Variants in SGCZ observed in about 807,000 individuals in gnomAD.
The protein encoded by SGCZ is zeta-sarcoglycan.
Under a neutral mutation model 41.3 loss-of-function variants are expected in SGCZ, and 40 were observed. That is an observed-to-expected ratio of 0.97 (90% CI 0.75 to 1.26). The LOEUF is 1.26. Ranked by LOEUF, SGCZ falls within the 50% of genes most tolerant of loss-of-function variation. The pLI is 0.00. For synonymous variants in SGCZ, 206 were observed against 137.5 expected (o/e 1.50, Z -3.49); for missense variants, 552 against 369.8 (o/e 1.49, Z -4.04).
chr8:15,157,986 C>T (rs1325602400), intron 1 of SGCZ, among the ~76,000 whole-genome samples: 1 of 152,190 alleles, frequency 6.6e-6, no homozygotes, highest in African/African-American at 2.4e-5. Context: ...GAACTGTCCT[C>T]ACTTTTGTTT....
chr8:15,222,322 G>C (rs1801630487), intron 1 of SGCZ, among the ~76,000 whole-genome samples: 1 of 152,038 alleles, frequency 6.6e-6, no homozygotes, highest in Admixed American at 6.6e-5. Flanking sequence ...CCCCCAAGCA[G>C]TTATGGCTAA....
At chr8:14,877,958 G>A (rs1355665668) in intron 1 of SGCZ, among the ~76,000 whole-genome samples, 1 of 151,934 alleles carries the variant, frequency 6.6e-6, no homozygotes, top group Non-Finnish European at 1.5e-5. Flanking sequence ...CTGTTGAGAA[G>A]TGGGCTGTAC....
chr8:14,548,137 C>T (rs913184256), intron 2 of SGCZ, among the ~76,000 whole-genome samples: 34 of 152,092 alleles, frequency 2.2e-4, no homozygotes, highest in African/African-American at 8.0e-4. Flanking sequence ...TGAAATAGAT[C>T]ACACCCACTC....
intron 4 of SGCZ, among the ~76,000 whole-genome samples, chr8:14,221,527 A>ACATATTGC (rs942984767): frequency 3.9e-5 from 6 of 152,234 alleles, no homozygotes; most frequent in Non-Finnish European, 8.8e-5. Context: ...GCAGTAACTT[A>ACATATTGC]CATATTGCAG....
chr8:14,179,847 C>T (rs1045889586), intron 4 of SGCZ, among the ~76,000 whole-genome samples: 4 of 152,106 alleles, frequency 2.6e-5, no homozygotes, highest in Admixed American at 2.0e-4. Flanking sequence ...GGTATAAACC[C>T]TCTACCCATT....
At chr8:14,803,573 G>A (rs887426164) in intron 1 of SGCZ, among the ~76,000 whole-genome samples, 9 of 152,174 alleles carry the variant, frequency 5.9e-5, no homozygotes, top group Non-Finnish European at 1.2e-4. Flanking sequence ...GGCTCAGAGG[G>A]TCTGACGCCC....
At chr8:14,988,543 G>A (rs982082021) in intron 1 of SGCZ, among the ~76,000 whole-genome samples, 17 of 151,658 alleles carry the variant, frequency 1.1e-4, no homozygotes, top group Non-Finnish European at 8.8e-5. Context: ...TTACTATAAG[G>A]TAGAAATGAT....
chr8:15,214,431 G>A (rs1017016869), intron 1 of SGCZ, among the ~76,000 whole-genome samples: 11 of 151,958 alleles, frequency 7.2e-5, no homozygotes, highest in Non-Finnish European at 1.6e-4. Context: ...CACATTCACT[G>A]AGGTTTATTT....
At chr8:14,262,093 A>C (rs572522651) in intron 3 of SGCZ, among the ~76,000 whole-genome samples, 1 of 152,332 alleles carries the variant, frequency 6.6e-6, no homozygotes, top group Non-Finnish European at 1.5e-5. Flanking sequence ...TACTCCTTGC[A>C]TGATCACATG....
chr8:14,429,318 C>T (rs920599892), intron 2 of SGCZ, among the ~76,000 whole-genome samples: 8 of 152,064 alleles, frequency 5.3e-5, no homozygotes, highest in Non-Finnish European at 1.2e-4. Context: ...GAGGTTTGGT[C>T]AAAGACTTGG....
At chr8:14,093,060 C>G (rs192554500) in intron 7 of SGCZ, among the ~76,000 whole-genome samples, 2 of 151,942 alleles carry the variant, frequency 1.3e-5, no homozygotes, top group African/African-American at 4.8e-5. Flanking sequence ...AGAAAAAAAA[C>G]GGATCTTGAA....
chr8:14,357,065 T>C (rs1248912313), intron 2 of SGCZ, among the ~76,000 whole-genome samples: 2 of 151,988 alleles, frequency 1.3e-5, no homozygotes, highest in Admixed American at 6.6e-5. Flanking sequence ...TATGCAAAAG[T>C]AAATGAAATA....
intron 1 of SGCZ, among the ~76,000 whole-genome samples, chr8:14,970,511 G>A (rs562528583): frequency 7.2e-5 from 11 of 151,994 alleles, no homozygotes; most frequent in Non-Finnish European, 1.6e-4. Context: ...TATGAAGTAT[G>A]GACTATTTGT....
chr8:14,982,599 C>G (rs942678752), intron 1 of SGCZ, among the ~76,000 whole-genome samples: 1 of 152,176 alleles, frequency 6.6e-6, no homozygotes, highest in African/African-American at 2.4e-5. Flanking sequence ...AGGCACAGTA[C>G]TTCCTACCCT....
chr8:14,301,255 T>G (rs1427018), intron 3 of SGCZ, among the ~76,000 whole-genome samples: 37,749 of 151,836 alleles, frequency 0.25, 5,007 homozygotes, highest in South Asian at 0.41. Context: ...AGAGTCTACA[T>G]CTATCTCTCT....
chr8:15,236,665 A>T (rs1027739332), intron 1 of SGCZ, among the ~76,000 whole-genome samples: 1 of 136,098 alleles, frequency 7.3e-6, no homozygotes, highest in African/African-American at 2.5e-5. Flanking sequence ...TATTGTGTGT[A>T]TATAAATATA....
At chr8:14,347,231 G>A (rs1365084996) in intron 2 of SGCZ, among the ~76,000 whole-genome samples, 1 of 152,032 alleles carries the variant, frequency 6.6e-6, no homozygotes, top group Admixed American at 6.6e-5. Context: ...ACTTCATATT[G>A]AGCTAATACG....
At chr8:14,092,772 C>T (rs1801727870) in intron 7 of SGCZ, among the ~76,000 whole-genome samples, 1 of 152,034 alleles carries the variant, frequency 6.6e-6, no homozygotes, top group African/African-American at 2.4e-5. Flanking sequence ...AGTGTGAATA[C>T]ATTAATTGTC....
At chr8:14,392,949 T>TA (rs938962619) in intron 2 of SGCZ, among the ~76,000 whole-genome samples, 1 of 152,186 alleles carries the variant, frequency 6.6e-6, no homozygotes, top group Non-Finnish European at 1.5e-5. Flanking sequence ...GCTTACTTTT[T>TA]ATTACACTTT....
Sources: gnomAD v4.1 joint callset for allele counts (sites outside exome capture counted in the v4.1 genomes callset) on GRCh38, gnomAD v4.1.1 for gene constraint, MANE v1.5 for transcripts, NCBI Gene and HGNC (gene_info 2026-07-23, HGNC 2026-07-21) for gene names.